NFIC: variants seen among roughly 807,000 people sequenced by gnomAD.
NFIC encodes the protein nuclear factor 1 C-type.
Under a neutral mutation model 54.4 loss-of-function variants are expected in NFIC, and 12 were observed. That is an observed-to-expected ratio of 0.22 (90% CI 0.14 to 0.36). The LOEUF (loss-of-function observed/expected upper bound fraction) is 0.36. Ranked by LOEUF, NFIC falls within the 10% of genes least tolerant of loss-of-function variation. The pLI is 1.00. For synonymous variants in NFIC, 322 were observed against 319.2 expected, an observed-to-expected ratio of 1.01 and a Z score of -0.09; for missense variants, 575 against 718.2, an observed-to-expected ratio of 0.80 and a Z score of 2.28.
intron 3 of NFIC, among the ~76,000 whole-genome samples, chr19:3,430,513 C>T (rs559862648): frequency 1.3e-5 from 2 of 152,044 alleles, no homozygotes; most frequent in South Asian, 2.1e-4. Flanking sequence ...TGTGAGCCGC[C>T]GAGCCTGGCC....
chr19:3,424,745 A>G (rs1219401741), intron 2 of NFIC, among the ~76,000 whole-genome samples: 1 of 152,250 alleles, frequency 6.6e-6, no homozygotes, highest in African/African-American at 2.4e-5. Flanking sequence ...TCGCACAGCA[A>G]GAAAGCGGCA....
At chr19:3,385,575 T>TG (rs1555742659) in intron 2 of NFIC, among the ~76,000 whole-genome samples, 4 of 92,702 alleles carry the variant, frequency 4.3e-5, no homozygotes, top group African/African-American at 1.8e-4. Context: ...TTGTTGTTGT[T>TG]TTTTTTTTTT....
At chr19:3,415,536 T>A (rs2081840148) in intron 2 of NFIC, among the ~76,000 whole-genome samples, 1 of 152,058 alleles carries the variant, frequency 6.6e-6, no homozygotes, top group South Asian at 2.1e-4. Flanking sequence ...AGCCCAGAGA[T>A]GGGCAGGGGT....
chr19:3,365,901 A>C (rs150830942), upstream of NFIC, among the ~76,000 whole-genome samples: 1 of 152,322 alleles, frequency 6.6e-6, no homozygotes, highest in Non-Finnish European at 1.5e-5. Context: ...GGGGACCCGC[A>C]GCCCCTGCCT....
chr19:3,463,331 C>T lies in NFIC; in HGVS notation c.*562C>T, dbSNP rs2121969282. On this transcript the variant is annotated 3_prime_UTR_variant, in exon 11 of 11. Transcript: ENST00000443272. ...TCAGCCCCCACCGAGGACGCAGCCA[C>T]TGGGGGGAAAGGGAGACACAGCGGA... The T allele has an allele frequency of 2.0e-6, 2 of 986,836 alleles. No individual in the cohort carries two copies. The highest frequency in any genetic ancestry group is 1.1e-4 in the East Asian group (1 of 8,788). The allele number at this position is 986,836 out of a possible 1,614,324, so 61.1% of individuals were successfully genotyped here.
At chr19:3,429,560 G>A (rs566996334) in intron 3 of NFIC, among the ~76,000 whole-genome samples, 1 of 152,186 alleles carries the variant, frequency 6.6e-6, no homozygotes, top group South Asian at 2.1e-4. Context: ...CGCTGCACTC[G>A]AGCCTGGGCA....
intron 1 of NFIC, among the ~76,000 whole-genome samples, chr19:3,374,488 C>G (rs2081072182): frequency 6.6e-6 from 1 of 152,206 alleles, no homozygotes; most frequent in African/African-American, 2.4e-5. Flanking sequence ...CCCAGCCATT[C>G]AGATGGTGAA....
intron 2 of NFIC, among the ~76,000 whole-genome samples, chr19:3,421,730 C>G (rs1321511547): frequency 6.6e-6 from 1 of 152,200 alleles, no homozygotes; most frequent in African/African-American, 2.4e-5. Context: ...GCTCCGTGCG[C>G]TAGGAAATAT....
intron 2 of NFIC, among the ~76,000 whole-genome samples, chr19:3,398,607 G>C (rs914227948): frequency 6.6e-6 from 1 of 152,162 alleles, no homozygotes; most frequent in Non-Finnish European, 1.5e-5. Flanking sequence ...GCATCCCCCA[G>C]GCAGGAGTCA....
Position 3,452,403 on chromosome 19 carries a change from C to T in NFIC, c.1085-79C>T. The T allele has an allele frequency of 1.3e-6, 2 of 1,546,470 alleles. No individual in the cohort carries two copies. Among genetic ancestry groups the T allele is most frequent in the Admixed American group, 1.7e-5 (1 of 57,634 alleles). ...CTGAGATGCCGGCAGGAATGACACC[C>T]ACAGACACACAGTCACACGGTCACA... On this transcript the variant is annotated intron_variant, in intron 7 of 10. Transcript: ENST00000443272. The surrounding 1 kb of genome is among the most constrained non-coding windows in gnomAD (Gnocchi z 5.3).
In NFIC at chr19:3,370,692, G is replaced by GTCTC. The variant is rs1456633511; in HGVS notation, c.30+4029_30+4030insCTCT. 1.3e-4 allele frequency among the ~76,000 whole-genome samples: 7 copies of GTCTC among 54,620 alleles called. No homozygotes were observed. Among genetic ancestry groups the GTCTC allele is most frequent in the Admixed American group, 4.0e-4 (2 of 5,010 alleles). 35.8% of individuals were successfully genotyped at this position (54,620 alleles called of 152,430 possible). A position where few individuals can be genotyped will look rare whatever the true frequency, so the allele number is the denominator to read the frequency against. ...CTCTCTGTTCCTCTTCTTTCTCTCT[G>GTCTC]TCTGTCTCTTTCTTTCTCCCTCCCT... On this transcript the variant is annotated intron_variant, in intron 1 of 10. Coordinates refer to ENST00000443272, the MANE Select transcript of NFIC (RefSeq NM_001245002.2). This position sits in a 1 kb window ranked among gnomAD's most constrained non-coding sequence, Gnocchi z 5.2.
chr19:3,401,386 G>GTA (rs2081552826), intron 2 of NFIC, among the ~76,000 whole-genome samples: 1 of 152,118 alleles, frequency 6.6e-6, no homozygotes, highest in African/African-American at 2.4e-5. Context: ...CAAGCAGGCG[G>GTA]TAGCAGGGAC....
chr19:3,420,920 A>C (rs984251965), intron 2 of NFIC, among the ~76,000 whole-genome samples: 3 of 152,096 alleles, frequency 2.0e-5, no homozygotes, highest in Non-Finnish European at 2.9e-5. Context: ...ACGGGGTTTC[A>C]CCATGTGGGG....
intron 2 of NFIC, among the ~76,000 whole-genome samples, chr19:3,392,832 G>A (rs545770714): frequency 9.8e-5 from 15 of 152,358 alleles, no homozygotes; most frequent in Admixed American, 2.6e-4. Context: ...TGGGGACACC[G>A]GATGTCTCGT....
chr19:3,363,227 A>ATG (rs1236874934), upstream of NFIC, among the ~76,000 whole-genome samples: 201 of 45,164 alleles, frequency 4.5e-3, 6 homozygotes, highest in African/African-American at 0.011. Flanking sequence ...ATGTATATGT[A>ATG]TGTGTATGTG....
intron 1 of NFIC, 56 bp downstream of exon 1, chr19:3,366,722 CCGGAGTTTTGAAGCAGG>C: frequency 7.9e-7 from 1 of 1,270,124 alleles, no homozygotes; most frequent in African/African-American, 1.6e-5. Flanking sequence ...CATCCCAGCC[CCGGAGTTTTGAAGCAGG>C]AGGAGGCGGG....
intron 2 of NFIC, among the ~76,000 whole-genome samples, chr19:3,384,534 GA>G (rs2081263263): frequency 1.3e-5 from 2 of 152,138 alleles, no homozygotes; most frequent in Non-Finnish European, 2.9e-5. Flanking sequence ...GCTTACAGGT[GA>G]CTGCCACCAC....
intron 3 of NFIC, among the ~76,000 whole-genome samples, chr19:3,432,767 C>T (rs2082141310): frequency 6.6e-6 from 1 of 151,048 alleles, no homozygotes; most frequent in African/African-American, 2.4e-5. Flanking sequence ...CTCCACCTCT[C>T]GGGTTCACAC....
intron 2 of NFIC, among the ~76,000 whole-genome samples, chr19:3,390,261 C>T (rs1005455008): frequency 2.0e-5 from 3 of 152,230 alleles, no homozygotes; most frequent in Admixed American, 6.5e-5. Context: ...GTGTGCCAGC[C>T]GTCTGTCTGT....
Sources: allele counts gnomAD v4.1 joint callset (sites outside exome capture counted in the v4.1 genomes callset), GRCh38; gene constraint gnomAD v4.1.1; non-coding constraint Gnocchi (gnomAD v3.1); transcripts MANE v1.5; gene names NCBI Gene and HGNC (gene_info 2026-07-23, HGNC 2026-07-21).